Variants in HS6ST3 observed in about 807,000 individuals in gnomAD.
HS6ST3 encodes heparan-sulfate 6-O-sulfotransferase 3.
In HS6ST3, 12 loss-of-function variants were observed where a neutral mutation model predicts 36.7. The observed-to-expected ratio is 0.33, with a 90% CI of 0.21 to 0.53. HS6ST3 has a LOEUF of 0.53. HS6ST3 is among the 20% of genes least tolerant of loss of function. The probability of loss-of-function intolerance (pLI) is 0.95; values close to 1 mark genes in which losing one functional copy is unlikely to be tolerated. For missense variants in HS6ST3, 584 were observed against 640.9 expected (o/e 0.91, Z 0.96); for synonymous variants, 240 against 257.5 (o/e 0.93, Z 0.65).
chr13:96,194,537 A>C (rs538783909), intron 1 of HS6ST3, among the ~76,000 whole-genome samples: 1 of 152,168 alleles, frequency 6.6e-6, no homozygotes, highest in Non-Finnish European at 1.5e-5. Context: ...CTTGATATAC[A>C]TCTACATTGT....
At chr13:96,562,783 G>A (rs2056267012) in intron 1 of HS6ST3, among the ~76,000 whole-genome samples, 1 of 151,986 alleles carries the variant, frequency 6.6e-6, no homozygotes, top group African/African-American at 2.4e-5. Flanking sequence ...CCTGGGATTG[G>A]TGTCTGTCAC....
chr13:96,589,299 G>A (rs373126252), intron 1 of HS6ST3, among the ~76,000 whole-genome samples: 36 of 152,066 alleles, frequency 2.4e-4, no homozygotes, highest in Middle Eastern at 6.8e-3. Context: ...AGGAAATTAT[G>A]CATTTCTTTT....
intron 1 of HS6ST3, among the ~76,000 whole-genome samples, chr13:96,563,248 T>G (rs2056269166): frequency 6.6e-6 from 1 of 152,238 alleles, no homozygotes; most frequent in Non-Finnish European, 1.5e-5. Flanking sequence ...CAGACCCTAT[T>G]CCTGGTTAAA....
chr13:96,649,745 C>T (rs1477062973), intron 1 of HS6ST3, among the ~76,000 whole-genome samples: 2 of 151,992 alleles, frequency 1.3e-5, no homozygotes, highest in Non-Finnish European at 2.9e-5. Flanking sequence ...AGTTCTGCCT[C>T]AATGTACACT....
chr13:96,318,679 T>C (rs999786051), intron 1 of HS6ST3, among the ~76,000 whole-genome samples: 3 of 152,224 alleles, frequency 2.0e-5, no homozygotes, highest in Non-Finnish European at 4.4e-5. Context: ...TTTTTGGCCT[T>C]GTCAAAGATC....
chr13:96,632,564 C>T (rs552387204), intron 1 of HS6ST3, among the ~76,000 whole-genome samples: 1 of 152,226 alleles, frequency 6.6e-6, no homozygotes, highest in African/African-American at 2.4e-5. Flanking sequence ...AGTTCCAAAG[C>T]AGCAACCCTT....
At chr13:96,619,486 C>T (rs2056486449) in intron 1 of HS6ST3, among the ~76,000 whole-genome samples, 2 of 152,324 alleles carry the variant, frequency 1.3e-5, no homozygotes, top group Non-Finnish European at 2.9e-5. Flanking sequence ...AAATTACTAT[C>T]AAGCTCACTC....
At chr13:96,426,618 C>CT (rs1407912049) in intron 1 of HS6ST3, among the ~76,000 whole-genome samples, 1 of 152,090 alleles carries the variant, frequency 6.6e-6, no homozygotes, top group Non-Finnish European at 1.5e-5. Flanking sequence ...AGTCATTTGA[C>CT]TTTTTTTAGT....
At chr13:96,339,668 T>A (rs1417378716) in intron 1 of HS6ST3, among the ~76,000 whole-genome samples, 2 of 152,214 alleles carry the variant, frequency 1.3e-5, no homozygotes, top group Non-Finnish European at 2.9e-5. Flanking sequence ...CTTCAGCCAG[T>A]GGATTATAGC....
intron 1 of HS6ST3, among the ~76,000 whole-genome samples, chr13:96,826,355 TA>T (rs1878647375): frequency 6.6e-6 from 1 of 152,214 alleles, no homozygotes; most frequent in South Asian, 2.1e-4. Flanking sequence ...TCAAAGGCAA[TA>T]TTAGACTTAG....
At chr13:96,690,898 T>C (rs1267382063) in intron 1 of HS6ST3, among the ~76,000 whole-genome samples, 1 of 152,114 alleles carries the variant, frequency 6.6e-6, no homozygotes, top group Non-Finnish European at 1.5e-5. Context: ...AAGTTGAGAA[T>C]GAATGCGTAC....
At chr13:96,335,676 C>A (rs1186826951) in intron 1 of HS6ST3, among the ~76,000 whole-genome samples, 1 of 152,326 alleles carries the variant, frequency 6.6e-6, no homozygotes, top group East Asian at 1.9e-4. Flanking sequence ...AAGGTACCCA[C>A]CCACAGAGTG....
intron 1 of HS6ST3, among the ~76,000 whole-genome samples, chr13:96,245,027 A>T (rs184429330): frequency 1.1e-4 from 17 of 152,240 alleles, no homozygotes; most frequent in Admixed American, 1.1e-3. Context: ...AGTTACAGCA[A>T]AATTTTACTT....
intron 1 of HS6ST3, among the ~76,000 whole-genome samples, chr13:96,758,648 A>T (rs1450212663): frequency 1.3e-5 from 2 of 151,908 alleles, no homozygotes; most frequent in African/African-American, 4.8e-5. Context: ...AGATCAGCAA[A>T]GTTTAATTTC....
chr13:96,520,517 C>T (rs1344896597), intron 1 of HS6ST3, among the ~76,000 whole-genome samples: 1 of 151,990 alleles, frequency 6.6e-6, no homozygotes, highest in Non-Finnish European at 1.5e-5. Context: ...TGTTTGTGTC[C>T]TTTCTTATTT....
At chr13:96,658,278 T>C (rs2056633515) in intron 1 of HS6ST3, among the ~76,000 whole-genome samples, 5 of 27,588 alleles carry the variant, frequency 1.8e-4, no homozygotes, top group African/African-American at 3.0e-4. Context: ...CTTTTTTTTT[T>C]TTTTTTTTTT....
chr13:96,659,874 T>G (rs1450186554), intron 1 of HS6ST3, among the ~76,000 whole-genome samples: 1 of 152,102 alleles, frequency 6.6e-6, no homozygotes, highest in Non-Finnish European at 1.5e-5. Flanking sequence ...ATATATTGGT[T>G]AAAAGTTACA....
intron 1 of HS6ST3, among the ~76,000 whole-genome samples, chr13:96,613,553 T>C (rs1269512815): frequency 3.3e-5 from 5 of 152,226 alleles, no homozygotes; most frequent in Non-Finnish European, 5.9e-5. Flanking sequence ...GAGGTGTTGG[T>C]ACAGTATCTC....
At chr13:96,235,796 A>C (rs943330252) in intron 1 of HS6ST3, among the ~76,000 whole-genome samples, 2 of 152,112 alleles carry the variant, frequency 1.3e-5, no homozygotes, top group Admixed American at 1.3e-4. Context: ...AAACCAGATT[A>C]TTATTTTTAT....
Sources: allele counts gnomAD v4.1 joint callset (sites outside exome capture counted in the v4.1 genomes callset), GRCh38; gene constraint gnomAD v4.1.1; transcripts MANE v1.5; gene names NCBI Gene and HGNC (gene_info 2026-07-23, HGNC 2026-07-21).